The following EVI2A variants were observed in gnomAD, a reference collection of about 807,000 sequenced individuals.
EVI2A encodes ecotropic viral integration site 2A.
EVI2A carries 11 observed loss-of-function variants against 13.0 expected under a neutral mutation model. The ratio of observed to expected loss-of-function variants is 0.85; its 90% CI spans 0.53 to 1.40. The LOEUF (loss-of-function observed/expected upper bound fraction) is 1.40, where lower values mean the gene tolerates loss of function less well. EVI2A is among the 40% of genes most tolerant of loss of function. The probability of loss-of-function intolerance (pLI) is 0.00; values close to 1 mark genes in which losing one functional copy is unlikely to be tolerated. For synonymous variants in EVI2A, 89 were observed against 98.0 expected, an observed-to-expected ratio of 0.91 and a Z score of 0.54; for missense variants, 267 against 279.5, an observed-to-expected ratio of 0.96 and a Z score of 0.32.
Position 31,318,782 on chromosome 17 carries a change from G to T in EVI2A, c.232C>A (p.Pro78Thr). 1 of 1,613,868 alleles carries T rather than the reference G, an allele frequency of 6.2e-7. No individual in the cohort carries two copies. The highest frequency in any genetic ancestry group is 1.1e-5 in the South Asian group (1 of 91,074). Residue 78 changes from proline (P) to threonine (T), a missense_variant, in exon 2 of 2, where the codon CCT (proline) becomes ACT (threonine). Transcript: ENST00000462804. ...VDYKGNSTNMPETSHIVALTS... is the reference protein window; with the variant it reads ...VDYKGNSTNMTETSHIVALTS... Reference sequence around the variant, plus strand: ...AAAGCTACGATGTGAGATGTTTCAGGCATGTTTGTAGAATTACCTTTATAA... The same window carrying T: ...AAAGCTACGATGTGAGATGTTTCAGTCATGTTTGTAGAATTACCTTTATAA...
chr17:31,318,727 A>AT lies in EVI2A; in HGVS notation c.286dup (p.Ile96AsnfsTer16). ...AGGACTGTTGCTGACGACAGAAGGTATATAAAGCTCCTGTTCAGATTTAGA... is the reference window on the plus strand; with the variant it reads ...AGGACTGTTGCTGACGACAGAAGGTATTATAAAGCTCCTGTTCAGATTTAGA... On this transcript the variant is annotated frameshift_variant, in exon 2 of 2. Transcript: ENST00000462804. LOFTEE classifies it high-confidence loss of function. 6.2e-7 allele frequency: 1 copy of AT among 1,614,096 alleles called. No homozygotes were observed. The highest frequency in any genetic ancestry group is 8.5e-7 in the Non-Finnish European group (1 of 1,179,946).
At position 31,318,463 on chromosome 17, in the gene EVI2A, A is replaced by C. The variant is rs775014153; in HGVS notation, c.551T>G (p.Leu184Arg). The change falls in exon 2 of 2, where the codon CTG (leucine) becomes CGG (arginine). Residue 184 changes from leucine (L) to arginine (R), a missense_variant. Coordinates refer to ENST00000462804, the MANE Select transcript of EVI2A (RefSeq NM_014210.4). The part of the protein sequence containing the change: ...KRQPRSNGDF[L>R]ASGLWPAESD... ...TTCAGCGGGCCATAGACCGCTTGCC[A>C]GAAAATCGCCATTGCTTCTAGGCTG... 2 of 1,614,020 alleles carry C rather than the reference A, an allele frequency of 1.2e-6. No individual in the cohort carries two copies. Among genetic ancestry groups the C allele is most frequent in the Non-Finnish European group, 1.7e-6 (2 of 1,179,996 alleles).
At position 31,318,977 on chromosome 17, in the gene EVI2A, G is replaced by A; in HGVS notation, c.37C>T (p.His13Tyr). 1 of 1,612,328 alleles carries A rather than the reference G, an allele frequency of 6.2e-7. No individual in the cohort carries two copies. The highest frequency in any genetic ancestry group is 1.1e-5 in the South Asian group (1 of 91,066). Residue 13 changes from histidine (H) to tyrosine (Y), a missense_variant, in exon 2 of 2, where the codon CAT becomes TAT. His to Tyr is a moderately conservative substitution (Grantham distance 83). Transcript: ENST00000462804. ...ACTGTTGTCATCAGAAAGGCAAGAT[G>A]TAGGTAATGTCCTGTGTGTTCCATG... ...TDMEHTGHYL[H>Y]LAFLMTTVFS...
At chr17:31,320,039 T>C (rs970161660) in intron 1 of EVI2A, among the ~76,000 whole-genome samples, 9 of 152,104 alleles carry the variant, frequency 5.9e-5, no homozygotes, top group African/African-American at 1.9e-4. Flanking sequence ...AGTTATATTA[T>C]ACATTTTTTA....
At position 31,318,018 on chromosome 17, in the gene EVI2A, C is replaced by T. The variant is rs769578133; in HGVS notation, c.*285G>A. On this transcript the variant is annotated 3_prime_UTR_variant, in exon 2 of 2. Transcript: ENST00000462804. Reference sequence around the variant, plus strand: ...CATAGGGAATATTTATTTAATTATCCCTTGCTATCTCTATTAATCAGTTTC... The same window carrying T: ...CATAGGGAATATTTATTTAATTATCTCTTGCTATCTCTATTAATCAGTTTC... 10 of 332,734 alleles carry T rather than the reference C, an allele frequency of 3.0e-5. No individual in the cohort carries two copies. Among genetic ancestry groups the T allele is most frequent in the Non-Finnish European group, 4.9e-5 (9 of 182,912 alleles). The allele number at this position is 332,734 out of a possible 1,614,324, so 20.6% of individuals were successfully genotyped here.
At chr17:31,321,385 C>T (rs2069187368) in intron 1 of EVI2A, 110 bp downstream of exon 1, 1 of 152,036 alleles carries the variant, frequency 6.6e-6, no homozygotes, top group South Asian at 2.1e-4. Context: ...AGTCACAATT[C>T]TAGTTTGTTA....
In EVI2A at chr17:31,318,352, C is replaced by T; in HGVS notation, c.662G>A (p.Arg221Lys). ...STGVLTATRE[R>K]KDEEGTEKLT... ...TTTTTCAGTTCCTTCTTCATCTTTT[C>T]TTTCCCTTGTAGCTGTGAGCACTCC... Residue 221 changes from arginine (R) to lysine (K), a missense_variant, in exon 2 of 2, where the codon AGA (arginine) becomes AAA (lysine). Coordinates refer to ENST00000462804, the MANE Select transcript of EVI2A (RefSeq NM_014210.4). The T allele has an allele frequency of 8.1e-6, 13 of 1,611,800 alleles. No individual in the cohort carries two copies. Among genetic ancestry groups the T allele is most frequent in the Non-Finnish European group, 1.1e-5 (13 of 1,179,450 alleles).
In EVI2A at chr17:31,318,234, G is replaced by A; in HGVS notation, c.*69C>T. On this transcript the variant is annotated 3_prime_UTR_variant, in exon 2 of 2. Coordinates refer to ENST00000462804, the MANE Select transcript of EVI2A (RefSeq NM_014210.4). The stretch of plus-strand genomic sequence containing the variant: ...TTTAGATAATCAGAACAACACTTTG[G>A]GATTAAATACCAACTGACTTCATTT... 6.6e-7 allele frequency: 1 copy of A among 1,522,860 alleles called. No individual in the cohort carries two copies. 94.3% of individuals were successfully genotyped at this position (1,522,860 alleles called of 1,614,324 possible). A position where few individuals can be genotyped will look rare whatever the true frequency, so the allele number is the denominator to read the frequency against.
chr17:31,318,645 C>G lies in EVI2A; in HGVS notation c.369G>C (p.Lys123Asn). Reference sequence around the variant, plus strand: ...TGTTGTTGTTTTCCGCACAGACATCCTTTTTGAAAATTTCACCATGACTTT... The same window carrying G: ...TGTTGTTGTTTTCCGCACAGACATCGTTTTTGAAAATTTCACCATGACTTT... ...TSKSHGEIFKKDVCAENNNNM... is the reference protein window; with the variant it reads ...TSKSHGEIFKNDVCAENNNNM... Residue 123 changes from lysine (K) to asparagine (N), a missense_variant, in exon 2 of 2, where the codon AAG becomes AAC. Coordinates refer to ENST00000462804, the MANE Select transcript of EVI2A (RefSeq NM_014210.4). 1 of 1,614,062 alleles carries G rather than the reference C, an allele frequency of 6.2e-7. No individual in the cohort carries two copies. Among genetic ancestry groups the G allele is most frequent in the Non-Finnish European group, 8.5e-7 (1 of 1,179,988 alleles).
chr17:31,318,855 T>C lies in EVI2A; in HGVS notation c.159A>G (p.Arg53=), dbSNP rs1358998020. 1 of 1,613,994 alleles carries C rather than the reference T, an allele frequency of 6.2e-7. No individual in the cohort carries two copies. Among genetic ancestry groups the C allele is most frequent in the African/African-American group, 1.3e-5 (1 of 74,918 alleles). The change falls in exon 2 of 2, where the codon AGA becomes AGG. Residue 53 remains arginine, a synonymous_variant. Coordinates refer to ENST00000462804, the MANE Select transcript of EVI2A (RefSeq NM_014210.4). ...TTGTGTTAATGTTTTCATTTTGGTT[T>C]CTGCCTGTCTTGTTTTGAATAACTG... The part of the protein sequence containing the change: ...WDSVIQNKTG[R]NQNENINTNP...
chr17:31,319,090 A>G, intron 1 of EVI2A, 67 bp from the exon 2 acceptor site: 3 of 1,476,886 alleles, frequency 2.0e-6, no homozygotes, highest in Non-Finnish European at 2.7e-6. Context: ...TGGTAATTGT[A>G]GTTAAAAGAT....
In EVI2A at chr17:31,318,638, A is replaced by G; in HGVS notation, c.376T>C (p.Cys126Arg). 4 of 1,614,146 alleles carry G rather than the reference A, an allele frequency of 2.5e-6. No homozygotes were observed. The highest frequency in any genetic ancestry group is 3.4e-6 in the Non-Finnish European group (4 of 1,180,004). ...GCCATGTTGTTGTTGTTTTCCGCAC[A>G]GACATCCTTTTTGAAAATTTCACCA... ...SHGEIFKKDV[C>R]AENNNNMAML... is the part of the protein sequence containing the mutation. Residue 126 changes from cysteine to arginine, a missense_variant, in exon 2 of 2, where the codon TGT (cysteine) becomes CGT (arginine). Physicochemically the swap from Cys to Arg is radical, Grantham distance 180. Transcript: ENST00000462804.
In EVI2A at chr17:31,321,538, A is replaced by G. The variant is rs930685949; in HGVS notation, c.-54T>C. 5 of 152,206 alleles carry G rather than the reference A, an allele frequency of 3.3e-5. No homozygotes were observed. The highest frequency in any genetic ancestry group is 6.5e-5 in the Admixed American group (1 of 15,286). The allele number at this position is 152,206 out of a possible 1,614,324, so 9.4% of individuals were successfully genotyped here. ...AAAATCTGATTATAACGTGATTTTG[A>G]TAAACCACTTCTTTTCTTGTCTTCT... On this transcript the variant is annotated 5_prime_UTR_variant, in exon 1 of 2. Coordinates refer to ENST00000462804, the MANE Select transcript of EVI2A (RefSeq NM_014210.4).
rs1462116331 is a variant in EVI2A at position 31,317,291 on chromosome 17, G to A, written c.*1012C>T. ...AGATGGGGGGGTTCTCAACTTAAAT[G>A]TAAGTCATTATTTTACTTGAAGCCA... On this transcript the variant is annotated 3_prime_UTR_variant, in exon 2 of 2. Coordinates refer to ENST00000462804, the MANE Select transcript of EVI2A (RefSeq NM_014210.4). Among the ~76,000 whole-genome samples the A allele has an allele frequency of 2.0e-5, 3 of 151,366 alleles. No homozygotes were observed. Among genetic ancestry groups the A allele is most frequent in the Non-Finnish European group, 4.4e-5 (3 of 67,854 alleles).
intron 1 of EVI2A, chr17:31,320,515 T>C: frequency 8.3e-7 from 1 of 1,203,416 alleles, no homozygotes; most frequent in South Asian, 1.3e-5. Flanking sequence ...ATTTGTATAC[T>C]ATTAAAATAC....
At position 31,317,147 on chromosome 17, in the gene EVI2A, G is replaced by A. The variant is rs1295423493; in HGVS notation, c.*1156C>T. On this transcript the variant is annotated 3_prime_UTR_variant, in exon 2 of 2. Coordinates refer to ENST00000462804, the MANE Select transcript of EVI2A (RefSeq NM_014210.4). ...TTTTAAAATGGTTACTATATTGCCCGAAATAAATGCCCAGTAAGGGATGAG... is the reference window on the plus strand; with the variant it reads ...TTTTAAAATGGTTACTATATTGCCCAAAATAAATGCCCAGTAAGGGATGAG... 2.0e-5 allele frequency among the ~76,000 whole-genome samples: 3 copies of A among 152,070 alleles called. No individual in the cohort carries two copies. Among genetic ancestry groups the A allele is most frequent in the Non-Finnish European group, 2.9e-5 (2 of 67,992 alleles).
At position 31,318,678 on chromosome 17, in the gene EVI2A, G is replaced by C; in HGVS notation, c.336C>G (p.Asn112Lys). ...AAATTTCACCATGACTTTTGCTTGT[G>C]TTTTCAATGCTCTGTACTGTTGAAG... ...NSPSTVQSIE[N>K]TSKSHGEIFK... Residue 112 changes from asparagine (N) to lysine (K), a missense_variant, in exon 2 of 2, where the codon AAC (asparagine) becomes AAG (lysine). Asn to Lys is a moderately conservative substitution (Grantham distance 94, BLOSUM62 0). Coordinates refer to ENST00000462804, the MANE Select transcript of EVI2A (RefSeq NM_014210.4). The C allele has an allele frequency of 6.2e-7, 1 of 1,614,094 alleles. No individual in the cohort carries two copies. The highest frequency in any genetic ancestry group is 8.5e-7 in the Non-Finnish European group (1 of 1,179,976).
At position 31,317,275 on chromosome 17, in the gene EVI2A, G is replaced by C. The variant is rs1186006567; in HGVS notation, c.*1028C>G. ...TAATATATTTAATTGAAGATGGGGG[G>C]GTTCTCAACTTAAATGTAAGTCATT... On this transcript the variant is annotated 3_prime_UTR_variant, in exon 2 of 2. Transcript: ENST00000462804. Among the ~76,000 whole-genome samples the C allele has an allele frequency of 6.6e-6, 1 of 151,490 alleles. No homozygotes were observed. Among genetic ancestry groups the C allele is most frequent in the Non-Finnish European group, 1.5e-5 (1 of 67,912 alleles).
chr17:31,318,255 C>A lies in EVI2A; in HGVS notation c.*48G>T. 6.5e-7 allele frequency: 1 copy of A among 1,543,006 alleles called. No individual in the cohort carries two copies. Among genetic ancestry groups the A allele is most frequent in the Non-Finnish European group, 8.7e-7 (1 of 1,149,954 alleles). Reference sequence around the variant, plus strand: ...TTTGGGATTAAATACCAACTGACTTCATTTTTACTCCATAAGCCTTCTCAT... The same window carrying A: ...TTTGGGATTAAATACCAACTGACTTAATTTTTACTCCATAAGCCTTCTCAT... On this transcript the variant is annotated 3_prime_UTR_variant, in exon 2 of 2. Transcript: ENST00000462804.
Sources: allele counts gnomAD v4.1 joint callset (sites outside exome capture counted in the v4.1 genomes callset), GRCh38; gene constraint gnomAD v4.1.1; transcripts MANE v1.5; gene names NCBI Gene and HGNC (gene_info 2026-07-23, HGNC 2026-07-21).